The following HS3ST5 variants were observed in gnomAD, a reference collection of about 807,000 sequenced individuals.
The protein encoded by HS3ST5 is heparan sulfate glucosamine 3-O-sulfotransferase 5.
A neutral mutation model predicts 25.4 loss-of-function variants in HS3ST5; 10 were observed. The ratio of observed to expected loss-of-function variants is 0.39; its 90% CI spans 0.24 to 0.67. The LOEUF is 0.67. Among genes scored for constraint, HS3ST5 ranks in the 30% least tolerant of loss-of-function variants. HS3ST5 has a pLI of 0.44. For missense variants in HS3ST5, 324 were observed against 420.7 expected (o/e 0.77, Z 2.01); for synonymous variants, 170 against 162.4 (o/e 1.05, Z -0.36).
chr6:114,187,538 A>G (rs1305758501), intron 2 of HS3ST5, among the ~76,000 whole-genome samples: 2 of 152,184 alleles, frequency 1.3e-5, no homozygotes, highest in African/African-American at 4.8e-5. Flanking sequence ...ACTTGAACGG[A>G]TGAGGAGTTG....
chr6:114,187,012 C>T (rs752499765), intron 2 of HS3ST5, among the ~76,000 whole-genome samples: 1 of 152,128 alleles, frequency 6.6e-6, no homozygotes, highest in African/African-American at 2.4e-5. Flanking sequence ...TGTTTTAAGA[C>T]CACTGTTGAG....
intron 3 of HS3ST5, among the ~76,000 whole-genome samples, chr6:114,165,092 G>C (rs1779146617): frequency 6.6e-6 from 1 of 152,160 alleles, no homozygotes; most frequent in Admixed American, 6.6e-5. Context: ...ATGATGTATG[G>C]ATGGATAGTA....
chr6:114,177,247 G>C (rs368141774), intron 2 of HS3ST5, among the ~76,000 whole-genome samples: 2 of 152,146 alleles, frequency 1.3e-5, no homozygotes, highest in Non-Finnish European at 2.9e-5. Context: ...AATTTGTTAG[G>C]AAATAAATGA....
In HS3ST5 at chr6:114,101,273, A is replaced by C. The variant is rs116061908; in HGVS notation, c.-32-38396T>G. ...GTTTACAACATATTTATTTAGGGCA[A>C]CTCCAAAGCACAAAAGTAACATGTT... On this transcript the variant is annotated intron_variant, in intron 3 of 4. Coordinates refer to ENST00000312719, the MANE Select transcript of HS3ST5 (RefSeq NM_153612.4). Among the ~76,000 whole-genome samples, 335 of 152,320 alleles carry C rather than the reference A, an allele frequency of 2.2e-3. 2 individuals carry two copies. Among genetic ancestry groups the C allele is most frequent in the African/African-American group, 7.5e-3 (312 of 41,580 alleles).
chr6:114,119,947 C>T (rs575757754), intron 3 of HS3ST5, among the ~76,000 whole-genome samples: 231 of 152,158 alleles, frequency 1.5e-3, no homozygotes, highest in African/African-American at 5.3e-3. Flanking sequence ...GAGTTCGAGA[C>T]CGGCCTGGCC....
chr6:114,316,299 A>T (rs1350486625), intron 1 of HS3ST5, among the ~76,000 whole-genome samples: 2 of 152,198 alleles, frequency 1.3e-5, no homozygotes, highest in East Asian at 3.8e-4. Flanking sequence ...TGCTTTTGGA[A>T]GTTACTCTTC....
intron 3 of HS3ST5, among the ~76,000 whole-genome samples, chr6:114,103,291 A>G (rs969566061): frequency 1.2e-4 from 18 of 152,018 alleles, no homozygotes; most frequent in Admixed American, 3.9e-4. Flanking sequence ...TTATCGCACC[A>G]CTGCACTCCA....
intron 2 of HS3ST5, among the ~76,000 whole-genome samples, chr6:114,212,922 C>G (rs2114442622): frequency 6.6e-6 from 1 of 152,288 alleles, no homozygotes; most frequent in Admixed American, 6.5e-5. Flanking sequence ...TGGGTGCTGA[C>G]AGGACTTTTA....
At chr6:114,086,237 G>A (rs188441500) in intron 3 of HS3ST5, among the ~76,000 whole-genome samples, 1 of 152,248 alleles carries the variant, frequency 6.6e-6, no homozygotes, top group East Asian at 1.9e-4. Context: ...TTAAGATAGG[G>A]AGATCACTCA....
chr6:114,280,781 A>G (rs1774071695), intron 1 of HS3ST5, among the ~76,000 whole-genome samples: 1 of 152,014 alleles, frequency 6.6e-6, no homozygotes, highest in African/African-American at 2.4e-5. Flanking sequence ...CTTATTCACG[A>G]TTCAGCATTA....
At chr6:114,071,067 C>T (rs1056450412) in intron 3 of HS3ST5, among the ~76,000 whole-genome samples, 1 of 152,236 alleles carries the variant, frequency 6.6e-6, no homozygotes, top group African/African-American at 2.4e-5. Context: ...TGTAACTCCA[C>T]ATACCCTACC....
In HS3ST5 at chr6:114,057,247, A is replaced by G. The variant is rs376386241; in HGVS notation, c.*10T>C. On this transcript the variant is annotated 3_prime_UTR_variant, in exon 5 of 5. Transcript: ENST00000312719. ...CAGGCACAACACATAGTGTTGTATG[A>G]CATATTATTTTAGGGCCAGTTCAAT... 15 of 1,581,006 alleles carry G rather than the reference A, an allele frequency of 9.5e-6. No homozygotes were observed. The highest frequency in any genetic ancestry group is 1.3e-5 in the Non-Finnish European group (15 of 1,152,232).
chr6:114,185,712 TATA>T (rs1458099379), intron 2 of HS3ST5, among the ~76,000 whole-genome samples: 1 of 152,012 alleles, frequency 6.6e-6, no homozygotes. Context: ...ATATATCTGT[TATA>T]ATAATCAGTG....
At chr6:114,283,165 T>C (rs1774196256) in intron 1 of HS3ST5, among the ~76,000 whole-genome samples, 1 of 151,986 alleles carries the variant, frequency 6.6e-6, no homozygotes, top group Non-Finnish European at 1.5e-5. Context: ...TGAATGCTGT[T>C]TAAATACCAA....
At chr6:114,117,398 A>G (rs969635912) in intron 3 of HS3ST5, among the ~76,000 whole-genome samples, 4 of 152,094 alleles carry the variant, frequency 2.6e-5, no homozygotes, top group Non-Finnish European at 5.9e-5. Context: ...TGAATTTGTC[A>G]TTTCTTAGTG....
chr6:114,236,793 C>G (rs1459510415), intron 1 of HS3ST5, among the ~76,000 whole-genome samples: 4 of 152,156 alleles, frequency 2.6e-5, no homozygotes, highest in African/African-American at 9.7e-5. Context: ...AAGATAAAAC[C>G]TATGCCATGT....
intron 3 of HS3ST5, among the ~76,000 whole-genome samples, chr6:114,165,836 A>G (rs1203240916): frequency 6.6e-6 from 1 of 152,090 alleles, no homozygotes; most frequent in Non-Finnish European, 1.5e-5. Context: ...TGGGGACAAC[A>G]ATGCCTACTT....
intron 4 of HS3ST5, among the ~76,000 whole-genome samples, 175 bp downstream of exon 4, chr6:114,062,564 C>T (rs1350059090): frequency 6.6e-6 from 1 of 152,160 alleles, no homozygotes; most frequent in African/African-American, 2.4e-5. Context: ...GTTTGAGGAA[C>T]TTGGATCTCT....
intron 3 of HS3ST5, among the ~76,000 whole-genome samples, chr6:114,066,415 G>A (rs1291798113): frequency 6.6e-6 from 1 of 152,144 alleles, no homozygotes; most frequent in Non-Finnish European, 1.5e-5. Flanking sequence ...AGCAGTTTGG[G>A]AGTCCAAGGC....
Sources: gnomAD v4.1 joint callset for allele counts (sites outside exome capture counted in the v4.1 genomes callset) on GRCh38, gnomAD v4.1.1 for gene constraint, MANE v1.5 for transcripts, NCBI Gene and HGNC (gene_info 2026-07-23, HGNC 2026-07-21) for gene names.